Variants in MACF1 observed in about 807,000 individuals in gnomAD.
MACF1 encodes microtubule actin crosslinking factor 1, also known as microtubule-actin cross-linking factor 1.
A neutral mutation model predicts 854.8 loss-of-function variants in MACF1; 193 were observed. That is an observed-to-expected ratio of 0.23 (90% CI 0.20 to 0.25). The LOEUF is 0.25. Ranked by LOEUF, MACF1 falls within the 10% of genes least tolerant of loss-of-function variation. The pLI, the probability that MACF1 is intolerant of heterozygous loss-of-function variation, is 1.00. For missense variants in MACF1, 7,722 were observed against 8,929.1 expected (o/e 0.86, Z 5.45); for synonymous variants, 3,185 against 3,226.7 (o/e 0.99, Z 0.44).
At chr1:39,116,652 T>A (rs1011757747) in intron 2 of MACF1, among the ~76,000 whole-genome samples, 1 of 152,218 alleles carries the variant, frequency 6.6e-6, no homozygotes, top group Non-Finnish European at 1.5e-5. Context: ...AATTGTCTAC[T>A]CCTCTGGGAA....
At chr1:39,180,849 T>G (rs1324517109) in intron 2 of MACF1, among the ~76,000 whole-genome samples, 3 of 152,160 alleles carry the variant, frequency 2.0e-5, no homozygotes, top group Non-Finnish European at 4.4e-5. Flanking sequence ...TTCAGCTGTT[T>G]TGGGAACTTG....
In MACF1 at chr1:39,284,137, A is replaced by C. The variant is rs764891797; in HGVS notation, c.987A>C (p.Thr329=). The change falls in exon 10 of 101, where the codon ACA becomes ACC. Residue 329 remains threonine, a synonymous_variant. Transcript: ENST00000564288. Reference sequence around the variant, plus strand: ...TCATTCCCTGGATCAAACAGCATACAATACTGATGTCAGATAAAACTTTTC... The same window carrying C: ...TCATTCCCTGGATCAAACAGCATACCATACTGATGTCAGATAAAACTTTTC... ...DSLIPWIKQH[T]ILMSDKTFPQ... is the part of the protein sequence containing the mutation. The C allele has an allele frequency of 6.2e-7, 1 of 1,614,078 alleles. No individual in the cohort carries two copies. The highest frequency in any genetic ancestry group is 8.5e-7 in the Non-Finnish European group (1 of 1,179,978).
chr1:39,326,872 A>G (rs893116107), intron 35 of MACF1, among the ~76,000 whole-genome samples: 20 of 152,076 alleles, frequency 1.3e-4, no homozygotes, highest in African/African-American at 1.9e-4. Context: ...GAAAGATAAA[A>G]CTGAAAGGTA....
intron 2 of MACF1, among the ~76,000 whole-genome samples, chr1:39,182,087 G>A (rs897708377): frequency 2.0e-5 from 3 of 151,540 alleles, no homozygotes; most frequent in African/African-American, 7.3e-5. Flanking sequence ...GGAGGCAGAG[G>A]TTGCAGTGAG....
chr1:39,450,992 A>C, intron 84 of MACF1, 60 bp from the exon 85 acceptor site: 2 of 1,569,110 alleles, frequency 1.3e-6, no homozygotes, highest in Non-Finnish European at 1.7e-6. Flanking sequence ...GCGAGGCAGA[A>C]TTGTGGGCCA....
chr1:39,438,146 T>C (rs1644020252), intron 71 of MACF1, 138 bp downstream of exon 71: 2 of 781,206 alleles, frequency 2.6e-6, no homozygotes, highest in African/African-American at 1.7e-5. Context: ...AGAAAGTCAC[T>C]GGAAAATCAT....
In MACF1 at chr1:39,441,004, C is replaced by A; in HGVS notation, c.18449C>A (p.Thr6150Asn). 6.2e-7 allele frequency: 1 copy of A among 1,614,070 alleles called. No individual in the cohort carries two copies. Among genetic ancestry groups the A allele is most frequent in the Admixed American group, 1.7e-5 (1 of 60,014 alleles). The change falls in exon 73 of 101, where the codon ACT becomes AAT. Residue 6150 changes from threonine to asparagine, a missense_variant and splice_region_variant. Thr to Asn is a moderately conservative substitution (Grantham distance 65). Around this residue, in one of 15 missense-constraint regions of MACF1, gnomAD observed 2,807 missense variants for 3,235.8 expected, o/e 0.87. Coordinates refer to ENST00000564288, the MANE Select transcript of MACF1 (RefSeq NM_001394062.1). ...TATATTCTATTCGTTTACATGTAGACTATTAAGGAAGAGACAGATGGTCTG... is the reference window on the plus strand; with the variant it reads ...TATATTCTATTCGTTTACATGTAGAATATTAAGGAAGAGACAGATGGTCTG... ...IIKQQVEAAE[T>N]IKEETDGLHE...
At chr1:39,353,279 C>T (rs377502217) in intron 44 of MACF1, 48 bp downstream of exon 44, 4 of 1,424,884 alleles carry the variant, frequency 2.8e-6, no homozygotes, top group Non-Finnish European at 3.8e-6. Context: ...TCTCTCCTGC[C>T]CTGAGCAAGT....
chr1:39,249,993 C>T (rs1273330803), intron 2 of MACF1, 21 bp from the exon 3 acceptor site: 4 of 1,439,260 alleles, frequency 2.8e-6, no homozygotes, highest in Non-Finnish European at 3.9e-6. Context: ...AAAAATCTGT[C>T]TGTTTCACTC....
Position 39,335,541 on chromosome 1 carries a change from A to C in MACF1, c.8953A>C (p.Ser2985Arg), listed in dbSNP as rs1037447419. 1 of 1,614,214 alleles carries C rather than the reference A, an allele frequency of 6.2e-7. No individual in the cohort carries two copies. The highest frequency in any genetic ancestry group is 1.1e-5 in the South Asian group (1 of 91,072). Residue 2985 changes from serine to arginine, a missense_variant, in exon 37 of 101, where the codon AGT becomes CGT. Around this residue, in one of 15 missense-constraint regions of MACF1, gnomAD observed 854 missense variants for 852.6 expected, o/e 1.00. Transcript: ENST00000564288. ...GAAGAGGGAGGTGATTGTAGAAGAA[A>C]GTATCAGAACATGCAAACCAGCATT... ...REKREVIVEE[S>R]IRTCKPAFLS...
At chr1:39,262,107 A>G (rs1571233169) in intron 6 of MACF1, among the ~76,000 whole-genome samples, 1 of 152,186 alleles carries the variant, frequency 6.6e-6, no homozygotes, top group Non-Finnish European at 1.5e-5. Flanking sequence ...GATAGAGTGT[A>G]TGGAAGATAC....
intron 58 of MACF1, among the ~76,000 whole-genome samples, chr1:39,414,702 C>G (rs1330388813): frequency 6.6e-6 from 1 of 152,160 alleles, no homozygotes; most frequent in South Asian, 2.1e-4. Flanking sequence ...TCAGATAAGC[C>G]AATCCCACGG....
intron 17 of MACF1, among the ~76,000 whole-genome samples, 152 bp from the exon 18 acceptor site, chr1:39,293,301 TATATC>T (rs368473364): frequency 4.6e-5 from 7 of 152,210 alleles, no homozygotes; most frequent in South Asian, 2.1e-4. Context: ...CTGGGAGTCT[TATATC>T]AAACTTGTAC....
At chr1:39,195,025 C>T (rs1021671085) in intron 2 of MACF1, among the ~76,000 whole-genome samples, 1 of 152,218 alleles carries the variant, frequency 6.6e-6, no homozygotes, top group Non-Finnish European at 1.5e-5. Context: ...AATAAACTAT[C>T]TTCCTTCCAG....
At chr1:39,303,633 C>G (rs1646098731) in intron 23 of MACF1, among the ~76,000 whole-genome samples, 1 of 150,406 alleles carries the variant, frequency 6.6e-6, no homozygotes, top group Non-Finnish European at 1.5e-5. Flanking sequence ...AGGCGGATCA[C>G]TTGAGGTCAG....
At chr1:39,286,762 C>T (rs139663274) in intron 14 of MACF1, among the ~76,000 whole-genome samples, 54 of 152,092 alleles carry the variant, frequency 3.6e-4, no homozygotes, top group African/African-American at 1.3e-3. Context: ...GGACCCACAT[C>T]TCTTGACCCC....
At chr1:39,232,171 G>A (rs928961806) in intron 2 of MACF1, among the ~76,000 whole-genome samples, 22 of 149,458 alleles carry the variant, frequency 1.5e-4, no homozygotes, top group Non-Finnish European at 3.0e-4. Context: ...TTAAATAAAA[G>A]AGAAACCAAA....
intron 97 of MACF1, 122 bp from the exon 98 acceptor site, chr1:39,479,676 C>A: frequency 1.3e-6 from 1 of 765,980 alleles, no homozygotes; most frequent in Non-Finnish European, 2.1e-6. Context: ...GAAGAACCCA[C>A]AGATGGTACT....
At chr1:39,378,734 T>G (rs555747681) in intron 53 of MACF1, among the ~76,000 whole-genome samples, 2 of 152,282 alleles carry the variant, frequency 1.3e-5, no homozygotes, top group African/African-American at 2.4e-5. Context: ...AGAAATACAA[T>G]AGATTGGATC....
Sources: gnomAD v4.1 joint callset for allele counts (sites outside exome capture counted in the v4.1 genomes callset) on GRCh38, gnomAD v4.1.1 for gene constraint, gnomAD v4.1.1 regional missense constraint, MANE v1.5 for transcripts, NCBI Gene and HGNC (gene_info 2026-07-23, HGNC 2026-07-21) for gene names.